The following ARID1B variants were observed in gnomAD, a reference collection of about 807,000 sequenced individuals.
ARID1B encodes AT-rich interaction domain 1B.
Under a neutral mutation model 212.3 loss-of-function variants are expected in ARID1B, and 30 were observed. That is an observed-to-expected ratio of 0.14 (90% CI 0.11 to 0.19). The LOEUF is 0.19. Ranked by LOEUF, ARID1B falls within the 10% of genes least tolerant of loss-of-function variation. The pLI is 1.00. For missense variants in ARID1B, 2,891 were observed against 3,204.0 expected, an observed-to-expected ratio of 0.90 and a Z score of 2.36; for synonymous variants, 1,402 against 1,301.7, an observed-to-expected ratio of 1.08 and a Z score of -1.66.
In ARID1B at chr6:157,206,300, A is replaced by G. The variant is rs757383409; in HGVS notation, c.5528A>G (p.Asp1843Gly). ...GATCACAACGCAGCAAGGAAGGATG[A>G]CAGCCAGTCCTTGGCAGACGATTCT... The part of the protein sequence containing the change: ...ALDHNAARKD[D>G]SQSLADDSGK... Residue 1843 changes from aspartate (D) to glycine (G), a missense_variant, in exon 20 of 20, where the codon GAC becomes GGC. Physicochemically the swap from Asp to Gly is moderately conservative, Grantham distance 94. This residue lies in a region of ARID1B where 332 missense variants were observed against 369.2 expected (regional missense o/e 0.90). Coordinates refer to ENST00000636930, the MANE Select transcript of ARID1B (RefSeq NM_001374828.1). The surrounding 1 kb of genome is among the most constrained non-coding windows in gnomAD (Gnocchi z 6.8). 1 of 1,614,238 alleles carries G rather than the reference A, an allele frequency of 6.2e-7. No individual in the cohort carries two copies. The highest frequency in any genetic ancestry group is 8.5e-7 in the Non-Finnish European group (1 of 1,180,036).
At chr6:157,017,958 C>G (rs1780002817) in intron 4 of ARID1B, among the ~76,000 whole-genome samples, 1 of 92,662 alleles carries the variant, frequency 1.1e-5, no homozygotes. Context: ...GAGACACCAT[C>G]TCTACAAAAA....
intron 11 of ARID1B, among the ~76,000 whole-genome samples, chr6:157,180,306 A>G (rs1262514449): frequency 6.6e-6 from 1 of 151,388 alleles, no homozygotes; most frequent in East Asian, 1.9e-4. Context: ...ATACATGGGC[A>G]TAAAAATAAA....
intron 1 of ARID1B, among the ~76,000 whole-genome samples, chr6:156,800,865 G>A (rs1265204721): frequency 6.6e-6 from 1 of 152,038 alleles, no homozygotes; most frequent in East Asian, 1.9e-4. Context: ...ACTGCACTCT[G>A]GCCTGGGAGA....
chr6:157,050,426 C>T (rs755366397), intron 4 of ARID1B, among the ~76,000 whole-genome samples: 2 of 152,112 alleles, frequency 1.3e-5, no homozygotes, highest in Non-Finnish European at 2.9e-5. Context: ...TGACTGTAAT[C>T]GCAGCTACTC....
At chr6:157,186,751 C>A in intron 13 of ARID1B, 1 of 335,448 alleles carries the variant, frequency 3.0e-6, no homozygotes, top group South Asian at 2.4e-5. Context: ...CACATTCAGG[C>A]GAACTAAACT....
chr6:156,946,733 A>C (rs1238135053), intron 4 of ARID1B, among the ~76,000 whole-genome samples: 1 of 152,162 alleles, frequency 6.6e-6, no homozygotes, highest in East Asian at 1.9e-4. Flanking sequence ...GATGCTTTTG[A>C]GGTTTTTAAT....
At chr6:157,126,717 A>G (rs941782229) in intron 6 of ARID1B, among the ~76,000 whole-genome samples, 2 of 152,190 alleles carry the variant, frequency 1.3e-5, no homozygotes, top group African/African-American at 4.8e-5. Context: ...CCCATGTTAG[A>G]TATTTACTTG....
intron 6 of ARID1B, 170 bp downstream of exon 6, chr6:157,110,731 G>A (rs1184772550): frequency 1.7e-5 from 12 of 691,132 alleles, no homozygotes; most frequent in Non-Finnish European, 2.9e-5. Flanking sequence ...AGAGGAGGGA[G>A]GATGCTTTCT....
At chr6:157,082,072 T>C (rs1484015414) in intron 4 of ARID1B, among the ~76,000 whole-genome samples, 1 of 152,194 alleles carries the variant, frequency 6.6e-6, no homozygotes, top group Non-Finnish European at 1.5e-5. Context: ...TGGGTTTTTA[T>C]GATCCCTTCA....
rs1778859663 is a variant in ARID1B, at chr6:156,778,530, G to T, written c.850G>T (p.Glu284Ter). The change falls in exon 1 of 20, where the codon GAG becomes TAG. Residue 284 changes from glutamate (E) to a stop codon, truncating the protein, a stop_gained. Transcript: ENST00000636930. LOFTEE classifies it high-confidence loss of function. ...KMGEPAGGRY[E>*]HPGLGALGTQ... Reference sequence around the variant, plus strand: ...GGGGGAGCCGGCGGGCGGCCGCTACGAGCACCCGGGCTTGGGCGCCCTGGG... The same window carrying T: ...GGGGGAGCCGGCGGGCGGCCGCTACTAGCACCCGGGCTTGGGCGCCCTGGG... 8.1e-7 allele frequency: 1 copy of T among 1,231,726 alleles called. No homozygotes were observed. Among genetic ancestry groups the T allele is most frequent in the South Asian group, 3.7e-5 (1 of 26,798 alleles). The allele number at this position is 1,231,726 out of a possible 1,614,324, so 76.3% of individuals were successfully genotyped here. A position where few individuals can be genotyped will look rare whatever the true frequency, so the allele number is the denominator to read the frequency against.
intron 4 of ARID1B, chr6:156,936,101 G>A (rs1792183879): frequency 6.6e-6 from 1 of 152,648 alleles, no homozygotes; most frequent in Non-Finnish European, 1.5e-5. Context: ...CCAGCTCTTT[G>A]GGAGGCCAAG....
chr6:157,160,945 A>G (rs1032973091), intron 8 of ARID1B, among the ~76,000 whole-genome samples: 1 of 152,178 alleles, frequency 6.6e-6, no homozygotes, highest in Non-Finnish European at 1.5e-5. Context: ...CAAGCCACGC[A>G]TGTGGTCGCA....
intron 13 of ARID1B, chr6:157,185,630 G>A (rs567281268): frequency 5.1e-4 from 77 of 152,310 alleles, no homozygotes; most frequent in African/African-American, 1.7e-3. Context: ...CAGTATACAC[G>A]ATACCCACCA....
chr6:156,779,480 C>G lies in ARID1B; in HGVS notation c.1791+9C>G, dbSNP rs1779033607. On this transcript the variant is annotated intron_variant, in intron 1 of 19. Coordinates refer to ENST00000636930, the MANE Select transcript of ARID1B (RefSeq NM_001374828.1). ...CCATGGGCAGATCCCAGGTAACCCT[C>G]GCGCCAGCCGGGCCTGCTTCCGCCC... 2 of 1,370,252 alleles carry G rather than the reference C, an allele frequency of 1.5e-6. No individual in the cohort carries two copies. Among genetic ancestry groups the G allele is most frequent in the Non-Finnish European group, 1.9e-6 (2 of 1,056,928 alleles). 84.9% of individuals were successfully genotyped at this position (1,370,252 alleles called of 1,614,324 possible).
intron 1 of ARID1B, 79 bp from the exon 2 acceptor site, chr6:156,829,148 C>T: frequency 8.9e-7 from 1 of 1,126,002 alleles, no homozygotes; most frequent in Admixed American, 2.2e-5. Context: ...GTTATTAATG[C>T]ATATGTTGAC....
intron 4 of ARID1B, among the ~76,000 whole-genome samples, chr6:157,057,006 A>AT (rs145502825): frequency 0.28 from 40,766 of 144,920 alleles, 5,835 homozygotes; most frequent in Non-Finnish European, 0.32. Context: ...AGTTGTTTGA[A>AT]TTTTTTTTTT....
chr6:156,894,291 G>GGTTGGGATGGGGGCCGGGGT (rs1402526022), intron 2 of ARID1B, among the ~76,000 whole-genome samples: 10 of 144,572 alleles, frequency 6.9e-5, no homozygotes, highest in Admixed American at 2.1e-4. Flanking sequence ...GGGGCCGGGG[G>GGTTGGGATGGGGGCCGGGGT]GTTGGGATGG....
chr6:156,925,588 T>C (rs896509199), intron 3 of ARID1B, among the ~76,000 whole-genome samples: 3 of 152,114 alleles, frequency 2.0e-5, no homozygotes, highest in Admixed American at 1.3e-4. Flanking sequence ...ATAAATAATA[T>C]CCTGAATATT....
At chr6:156,931,118 A>G (rs1791670190) in intron 3 of ARID1B, among the ~76,000 whole-genome samples, 1 of 143,074 alleles carries the variant, frequency 7.0e-6, no homozygotes, top group Non-Finnish European at 1.5e-5. Flanking sequence ...TGAAACCGGG[A>G]GGCAGTGCTT....
Sources: gnomAD v4.1 joint callset for allele counts (sites outside exome capture counted in the v4.1 genomes callset) on GRCh38, gnomAD v4.1.1 for gene constraint, gnomAD v4.1.1 regional missense constraint, Gnocchi (gnomAD v3.1) non-coding constraint, MANE v1.5 for transcripts, NCBI Gene and HGNC (gene_info 2026-07-23, HGNC 2026-07-21) for gene names.